The following DDX17 variants were observed in gnomAD, a reference collection of about 807,000 sequenced individuals.
The protein encoded by DDX17 is probable ATP-dependent RNA helicase DDX17.
Under a neutral mutation model 80.8 loss-of-function variants are expected in DDX17, and 10 were observed. The ratio of observed to expected loss-of-function variants is 0.12; its 90% CI spans 0.08 to 0.21. DDX17 has a LOEUF of 0.21. Among genes scored for constraint, DDX17 ranks in the 10% least tolerant of loss-of-function variants. DDX17 has a pLI of 1.00. For synonymous variants in DDX17, 339 were observed against 336.2 expected (o/e 1.01, Z -0.09); for missense variants, 586 against 957.4 (o/e 0.61, Z 5.12).
rs1477354021 is a variant in DDX17 at position 38,489,880 on chromosome 22, G to A, written c.1448-1765C>T. The stretch of plus-strand genomic sequence containing the variant: ...GGAATTCTACTCCATGGTATCTTCA[G>A]AGCTAGGATAATGCTCCTTATGCAA... On this transcript the variant is annotated intron_variant, in intron 11 of 12. Transcript: ENST00000403230. This position sits in a 1 kb window ranked among gnomAD's most constrained non-coding sequence, Gnocchi z 4.6. The A allele has an allele frequency of 1.0e-6, 1 of 986,456 alleles. No homozygotes were observed. Among genetic ancestry groups the A allele is most frequent in the Non-Finnish European group, 1.2e-6 (1 of 830,760 alleles). The allele number at this position is 986,456 out of a possible 1,614,324, so 61.1% of individuals were successfully genotyped here.
rs1330515627 is a variant in DDX17 at position 38,485,886 on chromosome 22, T to A, written c.*49A>T. ...AGGAAAAAAAAAGGAAAGACAGTGT[T>A]CCTTAAAATGTAATTAAGTCTGCTG... On this transcript the variant is annotated 3_prime_UTR_variant, in exon 13 of 13. Transcript: ENST00000403230. The A allele has an allele frequency of 6.3e-7, 1 of 1,575,124 alleles. No homozygotes were observed. Among genetic ancestry groups the A allele is most frequent in the African/African-American group, 1.4e-5 (1 of 73,426 alleles).
At position 38,484,080 on chromosome 22, in the gene DDX17, G is replaced by GT. The variant is rs2089629460; in HGVS notation, c.*1854_*1855insA. 1 of 141,436 alleles carries GT rather than the reference G, an allele frequency of 7.1e-6. No individual in the cohort carries two copies. Among genetic ancestry groups the GT allele is most frequent in the Non-Finnish European group, 1.6e-5 (1 of 61,844 alleles). The allele number at this position is 141,436 out of a possible 1,614,324, so 8.8% of individuals were successfully genotyped here. On this transcript the variant is annotated 3_prime_UTR_variant, in exon 13 of 13. Transcript: ENST00000403230. The stretch of plus-strand genomic sequence containing the variant: ...GGTACCTCTATGTTTAAAGAAAGAA[G>GT]AAAAAAACCCAGAATTTGGTTGTAG...
intron 1 of DDX17, 129 bp downstream of exon 1, chr22:38,505,822 G>T: frequency 8.3e-7 from 1 of 1,206,226 alleles, no homozygotes; most frequent in Non-Finnish European, 1.1e-6. Context: ...CCGCTGTCTC[G>T]CCTCGAGTCG....
In DDX17 at chr22:38,485,881, A is replaced by T. The variant is rs563207951; in HGVS notation, c.*54T>A. 1.0e-4 allele frequency: 159 copies of T among 1,562,630 alleles called. No individual in the cohort carries two copies. In the Middle Eastern group the frequency reaches 1.5e-3, roughly 14 times the overall value. ...CGAAGAGGAAAAAAAAAGGAAAGACAGTGTTCCTTAAAATGTAATTAAGTC... is the reference window on the plus strand; with the variant it reads ...CGAAGAGGAAAAAAAAAGGAAAGACTGTGTTCCTTAAAATGTAATTAAGTC... On this transcript the variant is annotated 3_prime_UTR_variant, in exon 13 of 13. Coordinates refer to ENST00000403230, the MANE Select transcript of DDX17 (RefSeq NM_006386.5).
At chr22:38,504,916 G>T (rs551273816) in intron 1 of DDX17, among the ~76,000 whole-genome samples, 2 of 152,098 alleles carry the variant, frequency 1.3e-5, no homozygotes, top group Non-Finnish European at 2.9e-5. Flanking sequence ...TGGGGAAGCG[G>T]GGGGGTCGGG....
At chr22:38,499,691 T>C (rs775187907) in intron 2 of DDX17, among the ~76,000 whole-genome samples, 192 bp from the exon 3 acceptor site, 1 of 152,202 alleles carries the variant, frequency 6.6e-6, no homozygotes, top group Non-Finnish European at 1.5e-5. Context: ...ATTAATGATG[T>C]AGGTGATTAA....
At chr22:38,490,271 T>G (rs2089700076) in intron 11 of DDX17, 3 of 1,254,864 alleles carry the variant, frequency 2.4e-6, no homozygotes, top group Admixed American at 2.9e-5. Flanking sequence ...GCCAGCTGAC[T>G]GGGATAAGAA....
rs376979963 is a variant in DDX17, at chr22:38,488,123, G to A, written c.1448-8C>T. The A allele has an allele frequency of 5.5e-5, 89 of 1,614,140 alleles. No homozygotes were observed. The African/African-American group carries it at 6.0e-4, about 11-fold the overall frequency. ...ACTTGACATCTTCCACATCTTCCAC[G>A]TCAATGATGAGTCAGTGTGTAGGTT... On this transcript the variant is annotated splice_region_variant and splice_polypyrimidine_tract_variant and intron_variant, in intron 11 of 12. Transcript: ENST00000403230.
chr22:38,497,619 C>CAAAACAAAA (rs2089782596), intron 5 of DDX17, among the ~76,000 whole-genome samples: 7 of 74,888 alleles, frequency 9.3e-5, no homozygotes, highest in African/African-American at 4.0e-4. Context: ...AATATATCTC[C>CAAAACAAAA]AAAAAAAAAA....
rs1036719922 is a variant in DDX17 at position 38,495,100 on chromosome 22, C to G, written c.881-54G>C. The G allele has an allele frequency of 1.7e-5, 26 of 1,560,048 alleles. No individual in the cohort carries two copies. In the African/African-American group the frequency reaches 3.1e-4, roughly 19 times the overall value. On this transcript the variant is annotated intron_variant, in intron 6 of 12. Coordinates refer to ENST00000403230, the MANE Select transcript of DDX17 (RefSeq NM_006386.5). ...ATCGACTAGGTGCAGTGGCTCACAG[C>G]TGTGTTCTAGCACTTTGGGAAGAGG...
intron 12 of DDX17, among the ~76,000 whole-genome samples, chr22:38,487,367 T>C (rs1569136907): frequency 6.6e-6 from 1 of 151,884 alleles, no homozygotes; most frequent in Admixed American, 6.6e-5. Context: ...TCCTGTAATC[T>C]CAGCACTTTG....
chr22:38,492,192 T>G, intron 10 of DDX17, 77 bp from the exon 11 acceptor site: 1 of 1,265,470 alleles, frequency 7.9e-7, no homozygotes, highest in Middle Eastern at 1.9e-4. Flanking sequence ...ATGTTAAAAT[T>G]TCAAATAATG....
chr22:38,496,640 A>G (rs138445), intron 5 of DDX17, among the ~76,000 whole-genome samples: 145,213 of 152,200 alleles, frequency 0.95, 69,394 homozygotes, highest in Admixed American at 0.98. Context: ...GTGAGCCACC[A>G]TGCCTGGCCT....
chr22:38,484,751 A>G lies in DDX17; in HGVS notation c.*1184T>C, dbSNP rs1188113391. ...AAAAGGACTTAGGCTTTAGTCCTCC[A>G]TGACTTTTCTTAAGCACTACCTACC... On this transcript the variant is annotated 3_prime_UTR_variant, in exon 13 of 13. Transcript: ENST00000403230. 2 of 152,238 alleles carry G rather than the reference A, an allele frequency of 1.3e-5. No homozygotes were observed. Among genetic ancestry groups the G allele is most frequent in the Admixed American group, 6.5e-5 (1 of 15,278 alleles). 9.4% of individuals were successfully genotyped at this position (152,238 alleles called of 1,614,324 possible).
intron 11 of DDX17, chr22:38,490,523 C>A: frequency 3.5e-6 from 4 of 1,147,636 alleles, no homozygotes; most frequent in Non-Finnish European, 4.6e-6. Flanking sequence ...TAAAAAATAT[C>A]CCAGTGGAAA....
At chr22:38,501,521 G>A (rs916583183) in intron 1 of DDX17, among the ~76,000 whole-genome samples, 21 of 152,246 alleles carry the variant, frequency 1.4e-4, no homozygotes, top group African/African-American at 4.3e-4. Flanking sequence ...TCCCTTTATT[G>A]AGAGAAATAC....
Position 38,498,582 on chromosome 22 carries a change from G to C in DDX17, c.539-9C>G, listed in dbSNP as rs764797972. ...CACATCCATTACATATTCTGTAAGA[G>C]AATTTTATTTTGCGTATTTTATTGT... On this transcript the variant is annotated splice_polypyrimidine_tract_variant and intron_variant, in intron 3 of 12. Transcript: ENST00000403230. 1.9e-6 allele frequency: 3 copies of C among 1,612,972 alleles called. No homozygotes were observed. The highest frequency in any genetic ancestry group is 2.5e-6 in the Non-Finnish European group (3 of 1,179,110).
In DDX17 at chr22:38,485,044, A is replaced by G. The variant is rs2089640974; in HGVS notation, c.*891T>C. Reference sequence around the variant, plus strand: ...TGCTTTTTACACTGCAGGTCAATATAAAAACTGGTTAGTAAATTTCCAGCG... The same window carrying G: ...TGCTTTTTACACTGCAGGTCAATATGAAAACTGGTTAGTAAATTTCCAGCG... On this transcript the variant is annotated 3_prime_UTR_variant, in exon 13 of 13. Transcript: ENST00000403230. The G allele has an allele frequency of 3.3e-5, 5 of 152,246 alleles. No homozygotes were observed. 9.4% of individuals were successfully genotyped at this position (152,246 alleles called of 1,614,324 possible).
intron 12 of DDX17, among the ~76,000 whole-genome samples, chr22:38,486,824 C>A (rs985851295): frequency 1.3e-5 from 2 of 152,046 alleles, no homozygotes; most frequent in African/African-American, 4.8e-5. Flanking sequence ...CTGACCTCTC[C>A]GTATGGAAAA....
Sources: allele counts gnomAD v4.1 joint callset (sites outside exome capture counted in the v4.1 genomes callset), GRCh38; gene constraint gnomAD v4.1.1; non-coding constraint Gnocchi (gnomAD v3.1); transcripts MANE v1.5; gene names NCBI Gene and HGNC (gene_info 2026-07-23, HGNC 2026-07-21).